The following DLG2 variants were observed in gnomAD, a reference collection of about 807,000 sequenced individuals.
The protein encoded by DLG2 is disks large homolog 2.
A neutral mutation model predicts 132.5 loss-of-function variants in DLG2; 45 were observed. That is an observed-to-expected ratio of 0.34 (90% CI 0.27 to 0.44). The LOEUF (loss-of-function observed/expected upper bound fraction) is 0.44. Ranked by LOEUF, DLG2 falls within the 20% of genes least tolerant of loss-of-function variation. The probability of loss-of-function intolerance (pLI) is 1.00; values close to 1 mark genes in which losing one functional copy is unlikely to be tolerated. For missense variants in DLG2, 1,045 were observed against 1,196.9 expected, an observed-to-expected ratio of 0.87 and a Z score of 1.87; for synonymous variants, 424 against 419.6, an observed-to-expected ratio of 1.01 and a Z score of -0.13.
chr11:85,031,432 G>T (rs1408561808), intron 6 of DLG2, among the ~76,000 whole-genome samples: 1 of 152,030 alleles, frequency 6.6e-6, no homozygotes, highest in Non-Finnish European at 1.5e-5. Flanking sequence ...CAACATATAT[G>T]ATGGTTTTAT....
intron 7 of DLG2, among the ~76,000 whole-genome samples, chr11:84,508,938 ATGAC>A (rs980142433): frequency 2.0e-5 from 3 of 152,184 alleles, no homozygotes; most frequent in African/African-American, 4.8e-5. Context: ...ACTTCTATAA[ATGAC>A]TGACCGTCTT....
chr11:84,734,113 C>A (rs2063513206), intron 6 of DLG2, among the ~76,000 whole-genome samples: 1 of 152,118 alleles, frequency 6.6e-6, no homozygotes, highest in Non-Finnish European at 1.5e-5. Flanking sequence ...ATTGATTTGG[C>A]AATGCGGGCT....
chr11:84,536,605 C>A (rs879831151), intron 6 of DLG2, among the ~76,000 whole-genome samples: 4 of 152,140 alleles, frequency 2.6e-5, no homozygotes, highest in Non-Finnish European at 5.9e-5. Flanking sequence ...GTCACACTTG[C>A]GCCCATTTTA....
intron 7 of DLG2, among the ~76,000 whole-genome samples, chr11:84,458,583 T>C (rs1027267718): frequency 2.0e-5 from 3 of 150,982 alleles, no homozygotes; most frequent in Admixed American, 2.0e-4. Context: ...TGGTGATTTT[T>C]GAATTGATCT....
intron 19 of DLG2, among the ~76,000 whole-genome samples, chr11:83,580,913 C>A (rs2096964119): frequency 7.9e-6 from 1 of 126,108 alleles, no homozygotes; most frequent in African/African-American, 3.0e-5. Context: ...CCCCTCCCCT[C>A]CCCTTTCCCT....
At chr11:83,656,053 C>T (rs1268761863) in intron 18 of DLG2, among the ~76,000 whole-genome samples, 1 of 152,198 alleles carries the variant, frequency 6.6e-6, no homozygotes, top group African/African-American at 2.4e-5. Flanking sequence ...CTCATCTGGC[C>T]ATAACATGTC....
At chr11:85,555,866 A>C (rs2076918437) in intron 3 of DLG2, among the ~76,000 whole-genome samples, 4 of 151,736 alleles carry the variant, frequency 2.6e-5, no homozygotes, top group Admixed American at 1.3e-4. Flanking sequence ...TTTCCCCTGA[A>C]AGTTATCAAC....
At chr11:84,821,162 T>A (rs2077628319) in intron 6 of DLG2, among the ~76,000 whole-genome samples, 1 of 151,918 alleles carries the variant, frequency 6.6e-6, no homozygotes, top group Non-Finnish European at 1.5e-5. Context: ...TTCATTTGAG[T>A]GCTAAACAAT....
chr11:83,796,095 A>G (rs1594544433), intron 17 of DLG2, among the ~76,000 whole-genome samples: 1 of 152,234 alleles, frequency 6.6e-6, no homozygotes. Flanking sequence ...TGTTCCTGGC[A>G]TAGGGTCAGG....
At chr11:84,029,103 T>G (rs987197864) in intron 11 of DLG2, among the ~76,000 whole-genome samples, 2 of 152,116 alleles carry the variant, frequency 1.3e-5, no homozygotes, top group African/African-American at 4.8e-5. Context: ...TGCAGTATAT[T>G]AGCAATTTAT....
At chr11:84,381,093 C>T (rs188931139) in intron 7 of DLG2, among the ~76,000 whole-genome samples, 122 of 151,926 alleles carry the variant, frequency 8.0e-4, no homozygotes, top group African/African-American at 2.8e-3. Context: ...TAAGATAATA[C>T]TTTACAAAGC....
intron 12 of DLG2, among the ~76,000 whole-genome samples, chr11:83,969,516 G>A (rs2090920328): frequency 6.6e-6 from 1 of 152,048 alleles, no homozygotes; most frequent in Non-Finnish European, 1.5e-5. Context: ...TTATACATTT[G>A]ATTAATCATT....
At chr11:84,263,574 T>C (rs1322374366) in intron 7 of DLG2, among the ~76,000 whole-genome samples, 2 of 152,144 alleles carry the variant, frequency 1.3e-5, no homozygotes, top group African/African-American at 4.8e-5. Context: ...TAAAAAAGAT[T>C]TGAAGTGAAG....
intron 21 of DLG2, among the ~76,000 whole-genome samples, chr11:83,508,956 G>A (rs1255461314): frequency 6.6e-6 from 1 of 152,236 alleles, no homozygotes; most frequent in East Asian, 1.9e-4. Flanking sequence ...GTTAATAGCT[G>A]TTGTCTGCAG....
At chr11:85,572,458 A>G (rs2077898128) in intron 3 of DLG2, among the ~76,000 whole-genome samples, 1 of 152,126 alleles carries the variant, frequency 6.6e-6, no homozygotes, top group Non-Finnish European at 1.5e-5. Context: ...GGGAACTCAA[A>G]ATGTATTTCA....
chr11:83,525,380 T>C (rs1356307390), intron 21 of DLG2, among the ~76,000 whole-genome samples: 1 of 152,172 alleles, frequency 6.6e-6, no homozygotes, highest in African/African-American at 2.4e-5. Flanking sequence ...AAAGAAAACA[T>C]AACAAGTTAT....
chr11:85,395,131 G>C (rs2087186609), intron 3 of DLG2, among the ~76,000 whole-genome samples: 1 of 152,012 alleles, frequency 6.6e-6, no homozygotes, highest in Non-Finnish European at 1.5e-5. Flanking sequence ...TTGGCACTTG[G>C]GGACAACTTT....
chr11:83,550,075 G>A (rs192065617), intron 19 of DLG2, among the ~76,000 whole-genome samples: 82 of 152,312 alleles, frequency 5.4e-4, no homozygotes, highest in Admixed American at 5.4e-3. Flanking sequence ...TTATAAAGCA[G>A]ATTGGTATTA....
intron 3 of DLG2, among the ~76,000 whole-genome samples, chr11:85,402,512 G>C (rs1596992126): frequency 6.6e-6 from 1 of 152,120 alleles, no homozygotes; most frequent in Non-Finnish European, 1.5e-5. Context: ...AAACTAAAGA[G>C]CTTCTGCACA....
Sources: gnomAD v4.1 joint callset for allele counts (sites outside exome capture counted in the v4.1 genomes callset) on GRCh38, gnomAD v4.1.1 for gene constraint, MANE v1.5 for transcripts, NCBI Gene and HGNC (gene_info 2026-07-23, HGNC 2026-07-21) for gene names.